OTUD7A: variants seen among roughly 807,000 people sequenced by gnomAD.
The protein encoded by OTUD7A is OTU deubiquitinase 7A.
A neutral mutation model predicts 65.7 loss-of-function variants in OTUD7A; 12 were observed. That is an observed-to-expected ratio of 0.18 (90% CI 0.12 to 0.30). OTUD7A has a LOEUF of 0.30. Ranked by LOEUF, OTUD7A falls within the 10% of genes least tolerant of loss-of-function variation. The probability of loss-of-function intolerance (pLI) is 1.00; values close to 1 mark genes in which losing one functional copy is unlikely to be tolerated. For synonymous variants in OTUD7A, 641 were observed against 586.3 expected, an observed-to-expected ratio of 1.09 and a Z score of -1.35; for missense variants, 1,148 against 1,304.8, an observed-to-expected ratio of 0.88 and a Z score of 1.85.
intron 1 of OTUD7A, among the ~76,000 whole-genome samples, chr15:31,670,846 T>A (rs1379486197): frequency 1.3e-5 from 2 of 151,680 alleles, no homozygotes; most frequent in Non-Finnish European, 2.9e-5. Context: ...AAAAAAAAAA[T>A]TAGCCGGGCG....
chr15:31,487,297 C>T lies in OTUD7A; in HGVS notation c.1287-19G>A. ...GATAAGGCTGGCAAGAGAAGAATAT[C>T]CTATTGAAATGGTCTGAGCTGGCCC... On this transcript the variant is annotated intron_variant, in intron 11 of 12. Transcript: ENST00000307050. This position sits in a 1 kb window ranked among gnomAD's most constrained non-coding sequence, Gnocchi z 6.0. The T allele has an allele frequency of 2.5e-6, 4 of 1,613,064 alleles. No individual in the cohort carries two copies. The highest frequency in any genetic ancestry group is 3.4e-6 in the Non-Finnish European group (4 of 1,179,154).
At position 31,483,600 on chromosome 15, in the gene OTUD7A, C is replaced by T. The variant is rs78774681; in HGVS notation, c.2496G>A (p.Ser832=). Residue 832 remains serine, a synonymous_variant, in exon 13 of 13, where the codon TCG becomes TCA. Transcript: ENST00000307050. The part of the protein sequence containing the change: ...AALRTVNTVE[S]LARAVPGALP... Reference sequence around the variant, plus strand: ...GGGCCCCGGGCACCGCGCGCGCCAGCGACTCGACCGTGTTGACGGTGCGCA... The same window carrying T: ...GGGCCCCGGGCACCGCGCGCGCCAGTGACTCGACCGTGTTGACGGTGCGCA... The T allele has an allele frequency of 1.5e-3, 1,887 of 1,223,872 alleles. 16 individuals carry two copies. In the African/African-American group the frequency reaches 0.028, roughly 18 times the overall value. The allele number at this position is 1,223,872 out of a possible 1,614,324, so 75.8% of individuals were successfully genotyped here. A position where few individuals can be genotyped will look rare whatever the true frequency, so the allele number is the denominator to read the frequency against.
intron 1 of OTUD7A, among the ~76,000 whole-genome samples, chr15:31,759,806 C>T (rs548644477): frequency 6.6e-6 from 1 of 152,252 alleles, no homozygotes; most frequent in Non-Finnish European, 1.5e-5. Context: ...GGATTACAGG[C>T]ATGAGCCACC....
At chr15:31,566,640 G>A (rs1328505895) in intron 4 of OTUD7A, among the ~76,000 whole-genome samples, 1 of 152,142 alleles carries the variant, frequency 6.6e-6, no homozygotes. Flanking sequence ...TGGAGGGGGG[G>A]TCTGGTGGGA....
intron 1 of OTUD7A, among the ~76,000 whole-genome samples, chr15:31,664,568 G>A (rs1435803417): frequency 1.3e-5 from 2 of 152,018 alleles, no homozygotes; most frequent in African/African-American, 4.8e-5. Flanking sequence ...TCCTTTGTCA[G>A]ATGTATAGAT....
intron 3 of OTUD7A, among the ~76,000 whole-genome samples, chr15:31,574,296 C>CAGAAAAAT (rs1044747159): frequency 5.9e-5 from 9 of 151,964 alleles, no homozygotes; most frequent in African/African-American, 2.2e-4. Flanking sequence ...AATATTTACA[C>CAGAAAAAT]AGAAAAATAG....
intron 10 of OTUD7A, among the ~76,000 whole-genome samples, chr15:31,490,258 T>A (rs1455254383): frequency 6.6e-6 from 1 of 152,242 alleles, no homozygotes; most frequent in Non-Finnish European, 1.5e-5. Context: ...CAACTGCTTT[T>A]CAAAATGAGC....
intron 1 of OTUD7A, among the ~76,000 whole-genome samples, chr15:31,734,201 G>C (rs906079267): frequency 3.9e-5 from 6 of 152,006 alleles, no homozygotes; most frequent in Admixed American, 3.3e-4. Flanking sequence ...TAACCAGGGA[G>C]GTTAAAAATC....
chr15:31,750,033 C>T (rs894689482), intron 1 of OTUD7A, among the ~76,000 whole-genome samples: 3 of 152,102 alleles, frequency 2.0e-5, no homozygotes, highest in Non-Finnish European at 4.4e-5. Context: ...TAAAGCAGAA[C>T]TCAAAAACGC....
At chr15:31,609,492 A>G (rs2085667) in intron 3 of OTUD7A, among the ~76,000 whole-genome samples, 48,120 of 151,872 alleles carry the variant, frequency 0.32, 9,727 homozygotes, top group African/African-American at 0.57. Flanking sequence ...AGAGGCAGCC[A>G]TAATCCTCCC....
intron 10 of OTUD7A, among the ~76,000 whole-genome samples, chr15:31,488,845 A>G (rs1342136398): frequency 2.6e-5 from 4 of 152,206 alleles, no homozygotes; most frequent in Admixed American, 2.6e-4. Context: ...AGCTTCCCCA[A>G]GCTGCCAATA....
intron 1 of OTUD7A, among the ~76,000 whole-genome samples, chr15:31,805,777 T>A (rs1403171890): frequency 6.6e-6 from 1 of 152,100 alleles, no homozygotes; most frequent in Admixed American, 6.5e-5. Context: ...ACAGCCTGAG[T>A]TCTCCGGAGA....
intron 8 of OTUD7A, among the ~76,000 whole-genome samples, chr15:31,504,510 C>G (rs942284179): frequency 1.2e-4 from 19 of 152,328 alleles, no homozygotes; most frequent in African/African-American, 4.3e-4. Flanking sequence ...CTCGATGTCC[C>G]CCCATAGCAA....
At chr15:31,811,769 G>A (rs572829807) in intron 1 of OTUD7A, among the ~76,000 whole-genome samples, 4 of 152,172 alleles carry the variant, frequency 2.6e-5, no homozygotes, top group Non-Finnish European at 4.4e-5. Context: ...GCCCAGTGCC[G>A]CCAGCTGGCT....
intron 10 of OTUD7A, among the ~76,000 whole-genome samples, chr15:31,500,846 C>T (rs1473733219): frequency 6.6e-6 from 1 of 152,356 alleles, no homozygotes; most frequent in African/African-American, 2.4e-5. Context: ...GTCCGTCTGT[C>T]CCCTGGGGGA....
intron 3 of OTUD7A, among the ~76,000 whole-genome samples, chr15:31,647,989 C>T (rs560164458): frequency 1.6e-3 from 236 of 151,850 alleles, no homozygotes; most frequent in African/African-American, 5.6e-3. Context: ...AGGGGAGGGA[C>T]GGAATAGGAC....
chr15:31,604,037 G>T (rs545117254), intron 3 of OTUD7A, among the ~76,000 whole-genome samples: 1 of 152,162 alleles, frequency 6.6e-6, no homozygotes, highest in Non-Finnish European at 1.5e-5. Context: ...ACAGTGTGGC[G>T]ATTCCTCAAG....
intron 5 of OTUD7A, among the ~76,000 whole-genome samples, chr15:31,535,846 T>G (rs1169629844): frequency 6.7e-6 from 1 of 149,250 alleles, no homozygotes; most frequent in Non-Finnish European, 1.5e-5. Context: ...CTGGCTAATT[T>G]TTTGTATTTT....
intron 1 of OTUD7A, among the ~76,000 whole-genome samples, chr15:31,827,332 A>G (rs991478024): frequency 3.9e-5 from 6 of 152,212 alleles, no homozygotes; most frequent in Non-Finnish European, 7.3e-5. Context: ...ACGAAGACGC[A>G]AAAGCAGAAA....
Sources: gnomAD v4.1 joint callset for allele counts (sites outside exome capture counted in the v4.1 genomes callset) on GRCh38, gnomAD v4.1.1 for gene constraint, Gnocchi (gnomAD v3.1) non-coding constraint, MANE v1.5 for transcripts, NCBI Gene and HGNC (gene_info 2026-07-23, HGNC 2026-07-21) for gene names.